The following SCRG1 variants were observed in gnomAD, a reference collection of about 807,000 sequenced individuals.
SCRG1 encodes the protein scrapie-responsive protein 1.
Under a neutral mutation model 7.7 loss-of-function variants are expected in SCRG1, and 3 were observed. The observed-to-expected ratio is 0.39, with a 90% CI of 0.18 to 1.01. SCRG1 has a LOEUF of 1.01. Among genes scored for constraint, SCRG1 ranks in the 50% least tolerant of loss-of-function variants. SCRG1 has a pLI of 0.36. For synonymous variants in SCRG1, 46 were observed against 41.2 expected (o/e 1.12, Z -0.44); for missense variants, 110 against 117.2 (o/e 0.94, Z 0.28).
At chr4:173,419,475 G>A in the SCRG1 span, 1 of 860,850 alleles carries the variant, frequency 1.2e-6, no homozygotes, top group South Asian at 1.4e-5. Context: ...TGAGAGAACT[G>A]TTTTTTGGAA....
At chr4:173,421,338 T>C in the SCRG1 span, among the ~76,000 whole-genome samples, 1 of 151,974 alleles carries the variant, frequency 6.6e-6, no homozygotes, top group Non-Finnish European at 1.5e-5. Flanking sequence ...AGAAGCTCAA[T>C]AAATTGTCGA....
the SCRG1 span, among the ~76,000 whole-genome samples, chr4:173,519,028 G>C: frequency 6.6e-6 from 1 of 151,954 alleles, no homozygotes; most frequent in African/African-American, 2.4e-5. Flanking sequence ...GTGGCGCTGT[G>C]AGCTAGGCGA....
the SCRG1 span, among the ~76,000 whole-genome samples, chr4:173,489,657 A>G: frequency 6.6e-6 from 1 of 152,224 alleles, no homozygotes; most frequent in Non-Finnish European, 1.5e-5. Flanking sequence ...AGAAGAAGAC[A>G]TTCTACCTCT....
the SCRG1 span, among the ~76,000 whole-genome samples, chr4:173,481,100 T>A: frequency 0.076 from 11,601 of 152,172 alleles, 576 homozygotes; most frequent in Non-Finnish European, 0.1. Context: ...TGATAATTTT[T>A]AAAAATTAAG....
chr4:173,443,451 C>T, the SCRG1 span, among the ~76,000 whole-genome samples: 4 of 152,270 alleles, frequency 2.6e-5, no homozygotes, highest in African/African-American at 9.6e-5. Flanking sequence ...ATGTTGCTCA[C>T]CTGCCTGTCA....
the SCRG1 span, among the ~76,000 whole-genome samples, chr4:173,481,656 C>T: frequency 1.7e-4 from 26 of 152,246 alleles, no homozygotes; most frequent in Non-Finnish European, 2.9e-4. Flanking sequence ...TCAGCCTACT[C>T]AACTTGAAGA....
At chr4:173,435,882 T>C in the SCRG1 span, among the ~76,000 whole-genome samples, 1 of 151,986 alleles carries the variant, frequency 6.6e-6, no homozygotes, top group African/African-American at 2.4e-5. Flanking sequence ...TAACTCAGGA[T>C]CAAGAAATAT....
the SCRG1 span, among the ~76,000 whole-genome samples, chr4:173,421,681 GT>G: frequency 6.6e-6 from 1 of 152,150 alleles, no homozygotes; most frequent in Non-Finnish European, 1.5e-5. Flanking sequence ...TGAGATAAAT[GT>G]AAGATGCCAT....
At chr4:173,485,083 ATATATTATATAT>A in the SCRG1 span, among the ~76,000 whole-genome samples, 6 of 6,940 alleles carry the variant, frequency 8.6e-4, no homozygotes, top group African/African-American at 2.3e-3. Flanking sequence ...ATATTATATA[ATATATTATATAT>A]TATATATTAT....
the SCRG1 span, among the ~76,000 whole-genome samples, chr4:173,484,288 T>A: frequency 2.4e-5 from 2 of 84,666 alleles, no homozygotes; most frequent in Non-Finnish European, 4.1e-5. Context: ...ATATATTTTC[T>A]ATGTAATGTA....
At chr4:173,475,920 A>G in the SCRG1 span, among the ~76,000 whole-genome samples, 147,274 of 152,184 alleles carry the variant, frequency 0.97, 71,476 homozygotes, top group Non-Finnish European at 1. Context: ...AAAGTAGAAG[A>G]GTGGTTGCCA....
At chr4:173,467,467 G>A in the SCRG1 span, among the ~76,000 whole-genome samples, 15 of 152,172 alleles carry the variant, frequency 9.9e-5, no homozygotes, top group Non-Finnish European at 2.1e-4. Flanking sequence ...GTTCATGTGA[G>A]CATGGGGAGA....
At chr4:173,433,649 G>C in the SCRG1 span, among the ~76,000 whole-genome samples, 1 of 152,240 alleles carries the variant, frequency 6.6e-6, no homozygotes, top group African/African-American at 2.4e-5. Context: ...TTTGCTTGCT[G>C]TTTCTAGGTG....
At chr4:173,517,662 C>CT in the SCRG1 span, among the ~76,000 whole-genome samples, 1 of 152,296 alleles carries the variant, frequency 6.6e-6, no homozygotes, top group South Asian at 2.1e-4. Flanking sequence ...CATCTCTTTT[C>CT]TTTTAAAAAA....
the SCRG1 span, among the ~76,000 whole-genome samples, chr4:173,435,119 TGTGTGTG>T: frequency 0.087 from 30 of 346 alleles, no homozygotes; most frequent in South Asian, 0.45. Flanking sequence ...TATATATCTA[TGTGTGTG>T]TGTGTGTGTG....
chr4:173,511,761 G>A, the SCRG1 span, among the ~76,000 whole-genome samples: 3 of 152,020 alleles, frequency 2.0e-5, no homozygotes, highest in Non-Finnish European at 4.4e-5. The surrounding 1 kb of genome is among the most constrained non-coding windows in gnomAD (Gnocchi z 5.2). Flanking sequence ...TATATGTTAT[G>A]TAATATATAT....
the SCRG1 span, among the ~76,000 whole-genome samples, chr4:173,512,936 G>T: frequency 6.6e-6 from 1 of 152,172 alleles, no homozygotes; most frequent in African/African-American, 2.4e-5. Context: ...AGTCTATCAA[G>T]TCTACACATA....
At chr4:173,396,780 C>T (rs1474321501) in intron 1 of SCRG1, among the ~76,000 whole-genome samples, 1 of 143,814 alleles carries the variant, frequency 7.0e-6, no homozygotes, top group African/African-American at 2.6e-5. Context: ...TTTGGCCCAG[C>T]ACAGTGGCTC....
the SCRG1 span, among the ~76,000 whole-genome samples, chr4:173,493,785 A>T: frequency 6.6e-6 from 1 of 152,104 alleles, no homozygotes; most frequent in Non-Finnish European, 1.5e-5. Context: ...TATTGAATTC[A>T]TCTTAATTTC....
Sources: allele counts gnomAD v4.1 joint callset (sites outside exome capture counted in the v4.1 genomes callset), GRCh38; gene constraint gnomAD v4.1.1; non-coding constraint Gnocchi (gnomAD v3.1); transcripts MANE v1.5; gene names NCBI Gene and HGNC (gene_info 2026-07-23, HGNC 2026-07-21).